The following ADAMTS3 variants were observed in gnomAD, a reference collection of about 807,000 sequenced individuals.
ADAMTS3 encodes A disintegrin and metalloproteinase with thrombospondin motifs 3.
In ADAMTS3, 73 loss-of-function variants were observed where a neutral mutation model predicts 129.0. The observed-to-expected ratio is 0.57, with a 90% CI of 0.47 to 0.69. The LOEUF (loss-of-function observed/expected upper bound fraction) is 0.69, where lower values mean the gene tolerates loss of function less well. Among genes scored for constraint, ADAMTS3 ranks in the 30% least tolerant of loss-of-function variants. ADAMTS3 has a pLI of 0.00. For synonymous variants in ADAMTS3, 477 were observed against 510.8 expected (o/e 0.93, Z 0.89); for missense variants, 1,457 against 1,514.5 (o/e 0.96, Z 0.63).
Position 72,285,870 on chromosome 4 carries a change from G to A in ADAMTS3, c.3050-2166C>T, listed in dbSNP as rs549985028. Among the ~76,000 whole-genome samples, 200 of 151,660 alleles carry A rather than the reference G, an allele frequency of 1.3e-3. 1 individual carries two copies. The highest frequency in any genetic ancestry group is 6.9e-3 in the Middle Eastern group (2 of 288). ...ATTAAGGCAACTTTTCAGACTTCTC[G>A]TTCCACCCCCAAATCATTATAAGAG... On this transcript the variant is annotated intron_variant, in intron 21 of 21. Coordinates refer to ENST00000286657, the MANE Select transcript of ADAMTS3 (RefSeq NM_014243.3).
rs544347627 is a variant in ADAMTS3 at position 72,483,845 on chromosome 4, C to T, written c.504+64633G>A. On this transcript the variant is annotated intron_variant, in intron 3 of 21. Coordinates refer to ENST00000286657, the MANE Select transcript of ADAMTS3 (RefSeq NM_014243.3). ...CATCCTGACTAACATGGTGAAACCC[C>T]GTCTCTACTAAAAATACAAAAAATT... Among the ~76,000 whole-genome samples, 12 of 152,020 alleles carry T rather than the reference C, an allele frequency of 7.9e-5. No homozygotes were observed. In the East Asian group the frequency reaches 1.6e-3, roughly 20 times the overall value.
chr4:72,478,414 G>C (rs200549915), intron 3 of ADAMTS3, among the ~76,000 whole-genome samples: 2,999 of 148,392 alleles, frequency 0.02, 103 homozygotes, highest in East Asian at 0.19. Context: ...ATGTAATCCA[G>C]CATATAAACA....
chr4:72,352,265 C>G (rs1256360766), intron 4 of ADAMTS3, among the ~76,000 whole-genome samples: 4 of 151,946 alleles, frequency 2.6e-5, no homozygotes, highest in African/African-American at 9.7e-5. Flanking sequence ...TCAATACATA[C>G]AGATATTTTC....
chr4:72,561,139 T>G (rs550192570), intron 2 of ADAMTS3, among the ~76,000 whole-genome samples: 1 of 152,060 alleles, frequency 6.6e-6, no homozygotes, highest in East Asian at 1.9e-4. Context: ...GATCACAAGG[T>G]CAGGAGTTCA....
intron 4 of ADAMTS3, among the ~76,000 whole-genome samples, chr4:72,391,971 A>G (rs745307622): frequency 1.3e-5 from 2 of 152,342 alleles, no homozygotes; most frequent in South Asian, 4.1e-4. Flanking sequence ...TTACAATTTA[A>G]AAAATGCTGT....
At chr4:72,505,663 A>G (rs1720142583) in intron 3 of ADAMTS3, among the ~76,000 whole-genome samples, 1 of 152,210 alleles carries the variant, frequency 6.6e-6, no homozygotes, top group Non-Finnish European at 1.5e-5. Context: ...GGCAGCCACC[A>G]AGTACCCAGA....
intron 3 of ADAMTS3, among the ~76,000 whole-genome samples, chr4:72,427,793 G>T (rs865922992): frequency 6.6e-6 from 1 of 151,948 alleles, no homozygotes; most frequent in Non-Finnish European, 1.5e-5. Context: ...GCCTTTTACC[G>T]CACAGTAAAT....
At chr4:72,315,997 A>G in intron 10 of ADAMTS3, 26 bp from the exon 11 acceptor site, 1 of 1,457,744 alleles carries the variant, frequency 6.9e-7, no homozygotes, top group Non-Finnish European at 9.6e-7. Context: ...TCAAATTGTC[A>G]GTGAACTCTC....
intron 14 of ADAMTS3, 38 bp from the exon 15 acceptor site, chr4:72,309,558 G>A (rs1394575596): frequency 1.2e-6 from 2 of 1,603,528 alleles, no homozygotes; most frequent in Non-Finnish European, 1.7e-6. Context: ...TAATTTTAGT[G>A]TGCCCAGTAG....
At chr4:72,361,211 C>A (rs1384888953) in intron 4 of ADAMTS3, among the ~76,000 whole-genome samples, 1 of 152,120 alleles carries the variant, frequency 6.6e-6, no homozygotes, top group African/African-American at 2.4e-5. Context: ...TTCAATTCCC[C>A]TTATTGCTCC....
chr4:72,474,511 A>G (rs1466082532), intron 3 of ADAMTS3, among the ~76,000 whole-genome samples: 1 of 152,146 alleles, frequency 6.6e-6, no homozygotes, highest in African/African-American at 2.4e-5. Context: ...TAATCTGAAC[A>G]AAAGAAAGAA....
At chr4:72,369,013 T>C (rs760678468) in intron 4 of ADAMTS3, among the ~76,000 whole-genome samples, 1 of 152,186 alleles carries the variant, frequency 6.6e-6, no homozygotes, top group Non-Finnish European at 1.5e-5. Context: ...GCAATTAAAA[T>C]TTATTGAGTA....
intron 3 of ADAMTS3, among the ~76,000 whole-genome samples, chr4:72,537,995 T>C (rs1721224101): frequency 6.6e-6 from 1 of 152,090 alleles, no homozygotes; most frequent in African/African-American, 2.4e-5. Flanking sequence ...GGAAACTAAC[T>C]GTACTGGAAA....
intron 3 of ADAMTS3, among the ~76,000 whole-genome samples, chr4:72,530,436 G>A (rs373686847): frequency 1.4e-4 from 9 of 63,806 alleles, no homozygotes; most frequent in Admixed American, 3.0e-4. Flanking sequence ...ATTAATATAT[G>A]TTAATTTAAT....
chr4:72,528,688 T>TTTCAAG (rs1358539284), intron 3 of ADAMTS3, among the ~76,000 whole-genome samples: 7 of 152,166 alleles, frequency 4.6e-5, no homozygotes, highest in Admixed American at 3.9e-4. Context: ...CCTCAAAAAC[T>TTTCAAG]TTCAAGTTCG....
chr4:72,529,978 A>AATATATTATATTTATATAT (rs1180484523), intron 3 of ADAMTS3, among the ~76,000 whole-genome samples: 1 of 6,724 alleles, frequency 1.5e-4, no homozygotes, highest in African/African-American at 7.2e-4. Context: ...TTTATATATA[A>AATATATTATATTTATATAT]ATATAATATA....
chr4:72,319,987 T>C, intron 7 of ADAMTS3, 24 bp from the exon 8 acceptor site: 1 of 1,586,710 alleles, frequency 6.3e-7, no homozygotes, highest in Non-Finnish European at 8.6e-7. Context: ...CAATTACTTT[T>C]ATTTTCATTT....
At chr4:72,559,217 C>T (rs961821457) in intron 2 of ADAMTS3, among the ~76,000 whole-genome samples, 2 of 151,722 alleles carry the variant, frequency 1.3e-5, no homozygotes, top group African/African-American at 4.9e-5. Context: ...GAACTAGGTT[C>T]CTGTCACTAG....
rs74764273 is a variant in ADAMTS3, at chr4:72,451,583, T to G, written c.505-36612A>C. ...ATTGAACATTTTTCAGATCCAAAAT[T>G]TGTAACTACAGACACAGAAATAGAC... is the stretch of plus-strand genomic sequence containing the variant. On this transcript the variant is annotated intron_variant, in intron 3 of 21. Transcript: ENST00000286657. Among the ~76,000 whole-genome samples the G allele has an allele frequency of 6.5e-3, 989 of 151,878 alleles. 6 individuals are homozygous for G. Among genetic ancestry groups the G allele is most frequent in the African/African-American group, 0.023 (941 of 41,508 alleles).
Sources: gnomAD v4.1 joint callset for allele counts (sites outside exome capture counted in the v4.1 genomes callset) on GRCh38, gnomAD v4.1.1 for gene constraint, MANE v1.5 for transcripts, NCBI Gene and HGNC (gene_info 2026-07-23, HGNC 2026-07-21) for gene names.